The following ADGRG2 variants were observed in gnomAD, a reference collection of about 807,000 sequenced individuals.
The protein encoded by ADGRG2 is adhesion G protein-coupled receptor G2.
ADGRG2 carries 26 observed loss-of-function variants against 74.1 expected under a neutral mutation model. The ratio of observed to expected loss-of-function variants is 0.35; its 90% CI spans 0.26 to 0.49. The LOEUF (loss-of-function observed/expected upper bound fraction) is 0.49. Ranked by LOEUF, ADGRG2 falls within the 20% of genes least tolerant of loss-of-function variation. The pLI is 0.99. For synonymous variants in ADGRG2, 296 were observed against 295.2 expected, an observed-to-expected ratio of 1.00 and a Z score of -0.03; for missense variants, 619 against 763.1, an observed-to-expected ratio of 0.81 and a Z score of 2.22.
At chrX:19,006,368 T>A (rs767265244) in intron 20 of ADGRG2, 103 bp from the exon 21 acceptor site, 56 of 584,852 alleles carry the variant, frequency 9.6e-5, no homozygotes, top group East Asian at 7.2e-4. Flanking sequence ...TGGTTTTTTT[T>A]AAATTTCAGA....
In ADGRG2 at chrX:19,068,699, GA is replaced by G; in HGVS notation, c.118+17del. 1 of 706,771 alleles carries G rather than the reference GA, an allele frequency of 1.4e-6. No homozygotes were observed. Among genetic ancestry groups the G allele is most frequent in the Admixed American group, 3.4e-5 (1 of 29,655 alleles). 58.2% of individuals were successfully genotyped at this position (706,771 alleles called of 1,213,427 possible). A position where few individuals can be genotyped will look rare whatever the true frequency, so the allele number is the denominator to read the frequency against. ...GATAAACAGAAAAAAAAAAAATGAA[GA>G]AAAACAGACACATTACCTTCCAGGG... On this transcript the variant is annotated intron_variant, in intron 3 of 28. Transcript: ENST00000379869.
chrX:19,097,657 G>A (rs1472140325), intron 1 of ADGRG2, among the ~76,000 whole-genome samples: 1 of 112,095 alleles, frequency 8.9e-6, no homozygotes, highest in Non-Finnish European at 1.9e-5. Context: ...TCATTCTCTC[G>A]CAGCTGAGGA....
At chrX:19,010,944 C>T (rs1424882357) in intron 16 of ADGRG2, among the ~76,000 whole-genome samples, 166 bp from the exon 17 acceptor site, 1 of 112,167 alleles carries the variant, frequency 8.9e-6, no homozygotes, top group African/African-American at 3.2e-5. Flanking sequence ...TTTATAGTGG[C>T]CTTTTTCATA....
In ADGRG2 at chrX:19,037,784, C is replaced by T. The variant is rs189290177; in HGVS notation, c.155-148G>A. The T allele has an allele frequency of 7.8e-4, 321 of 408,956 alleles. 2 individuals carry two copies. The highest frequency in any genetic ancestry group is 6.3e-3 in the African/African-American group (244 of 38,874). The allele number at this position is 408,956 out of a possible 1,213,427, so 33.7% of individuals were successfully genotyped here. On this transcript the variant is annotated intron_variant, in intron 4 of 28. Transcript: ENST00000379869. The stretch of plus-strand genomic sequence containing the variant: ...TAGTTAAATCTGCATGTCCCATAAG[C>T]GCTCAGTGAGTATAAAATTTAATCA...
At chrX:18,996,638 C>T (rs556709364) in intron 26 of ADGRG2, among the ~76,000 whole-genome samples, 1 of 109,072 alleles carries the variant, frequency 9.2e-6, no homozygotes, top group Non-Finnish European at 1.9e-5. Context: ...CTCTCTCCCC[C>T]TCAAACCCAG....
intron 2 of ADGRG2, among the ~76,000 whole-genome samples, chrX:19,073,508 C>T (rs1027914102): frequency 9.9e-5 from 11 of 111,573 alleles, no homozygotes; most frequent in African/African-American, 3.3e-4. Flanking sequence ...GTACAGTGCA[C>T]GAACTACATG....
At chrX:19,038,810 T>G (rs2060996601) in intron 4 of ADGRG2, among the ~76,000 whole-genome samples, 1 of 111,784 alleles carries the variant, frequency 8.9e-6, no homozygotes, top group Admixed American at 9.5e-5. Flanking sequence ...CCCTATTCTA[T>G]GCAAACAAGG....
rs972095437 is a variant in ADGRG2, at chrX:19,003,107, G to A, written c.1969C>T (p.Arg657Trp). The A allele has an allele frequency of 1.1e-5, 13 of 1,191,459 alleles. No individual in the cohort carries two copies. The highest frequency in any genetic ancestry group is 6.6e-5 in the Admixed American group (3 of 45,188). ...AGGATTTTGGAAGGGTAATCCCTCC[G>A]GATCTTTCTAAAAGGAAAGGATGAG... ...LVTYIAFEKI[R>W]RDYPSKILIQ... Residue 657 changes from arginine (R) to tryptophan (W), a missense_variant, in exon 24 of 29, where the codon CGG becomes TGG. This residue lies in a region of ADGRG2 where 221 missense variants were observed against 340.6 expected (regional missense o/e 0.65). Coordinates refer to ENST00000379869, the MANE Select transcript of ADGRG2 (RefSeq NM_001079858.3).
At chrX:19,018,473 C>T (rs2060516093) in intron 15 of ADGRG2, among the ~76,000 whole-genome samples, 1 of 110,752 alleles carries the variant, frequency 9.0e-6, no homozygotes, top group African/African-American at 3.3e-5. Context: ...AAATCAGAAT[C>T]TCTGAGCCTG....
At chrX:19,093,155 G>A (rs2062039280) in intron 1 of ADGRG2, among the ~76,000 whole-genome samples, 1 of 112,116 alleles carries the variant, frequency 8.9e-6, no homozygotes, top group African/African-American at 3.2e-5. Context: ...CAACTAACCT[G>A]CTCAGGGTTT....
chrX:19,019,180 G>GA (rs1693101768), intron 15 of ADGRG2, among the ~76,000 whole-genome samples: 1 of 111,650 alleles, frequency 9.0e-6, no homozygotes, highest in South Asian at 3.7e-4. Context: ...ATATCAATTA[G>GA]AAAAAATACA....
chrX:19,094,314 C>T (rs898239835), intron 1 of ADGRG2, among the ~76,000 whole-genome samples: 4 of 110,855 alleles, frequency 3.6e-5, no homozygotes, highest in Non-Finnish European at 7.6e-5. Context: ...TTCACCAATA[C>T]ACAATACCTT....
chrX:19,040,288 T>C (rs987607404), intron 3 of ADGRG2, 64 bp from the exon 4 acceptor site: 16 of 712,102 alleles, frequency 2.2e-5, no homozygotes, highest in Non-Finnish European at 1.7e-5. Flanking sequence ...AAAATTGTAC[T>C]ATATTAAGGA....
chrX:19,068,682 G>GAA (rs748564455), intron 3 of ADGRG2, 35 bp downstream of exon 3: 196 of 505,313 alleles, frequency 3.9e-4, no homozygotes, highest in Middle Eastern at 1.5e-3. Flanking sequence ...CAGATAAACA[G>GAA]AAAAAAAAAA....
intron 11 of ADGRG2, among the ~76,000 whole-genome samples, chrX:19,024,691 CCCA>C (rs1342044406): frequency 8.9e-6 from 1 of 112,083 alleles, no homozygotes; most frequent in Non-Finnish European, 1.9e-5. Context: ...ACGGGATACC[CCCA>C]CAACAAAGAA....
At position 19,077,979 on chromosome X, in the gene ADGRG2, G is replaced by T. The variant is rs548336366; in HGVS notation, c.-2+4723C>A. Among the ~76,000 whole-genome samples, 4 of 111,667 alleles carry T rather than the reference G, an allele frequency of 3.6e-5. No individual in the cohort carries two copies. The Admixed American group carries it at 3.8e-4, about 11-fold the overall frequency. On this transcript the variant is annotated intron_variant, in intron 2 of 28. Coordinates refer to ENST00000379869, the MANE Select transcript of ADGRG2 (RefSeq NM_001079858.3). Reference sequence around the variant, plus strand: ...AAAATTAAATAAGAAAGTCATTAAGGATATAGAATATTTGAATCACACATT... The same window carrying T: ...AAAATTAAATAAGAAAGTCATTAAGTATATAGAATATTTGAATCACACATT...
intron 2 of ADGRG2, among the ~76,000 whole-genome samples, chrX:19,075,636 A>AAAG (rs1555907970): frequency 9.3e-6 from 1 of 107,156 alleles, no homozygotes; most frequent in Non-Finnish European, 1.9e-5. Context: ...AAAAAAAAAA[A>AAAG]AAAGAAAGAA....
At chrX:19,100,025 C>T (rs1046076391) in intron 1 of ADGRG2, among the ~76,000 whole-genome samples, 1 of 111,266 alleles carries the variant, frequency 9.0e-6, no homozygotes, top group Non-Finnish European at 1.9e-5. Flanking sequence ...CAGAGCAAGA[C>T]CCTGTCTCAA....
At chrX:19,079,668 T>C (rs892818453) in intron 2 of ADGRG2, among the ~76,000 whole-genome samples, 5 of 112,364 alleles carry the variant, frequency 4.4e-5, no homozygotes, top group African/African-American at 6.5e-5. Flanking sequence ...TATGGCATCA[T>C]TGCAGTGTGA....
Sources: gnomAD v4.1 joint callset for allele counts (sites outside exome capture counted in the v4.1 genomes callset) on GRCh38, gnomAD v4.1.1 for gene constraint, gnomAD v4.1.1 regional missense constraint, MANE v1.5 for transcripts, NCBI Gene and HGNC (gene_info 2026-07-23, HGNC 2026-07-21) for gene names.